Variants in CNTNAP5 observed in about 807,000 individuals in gnomAD.
The protein encoded by CNTNAP5 is contactin-associated protein-like 5.
In CNTNAP5, 72 loss-of-function variants were observed where a neutral mutation model predicts 150.2. The ratio of observed to expected loss-of-function variants is 0.48; its 90% CI spans 0.40 to 0.58. CNTNAP5 has a LOEUF of 0.58. Ranked by LOEUF, CNTNAP5 falls within the 20% of genes least tolerant of loss-of-function variation. CNTNAP5 has a pLI of 0.00. For missense variants in CNTNAP5, 1,636 were observed against 1,626.2 expected (o/e 1.01, Z -0.10); for synonymous variants, 672 against 619.8 (o/e 1.08, Z -1.25).
At chr2:124,605,585 G>T (rs185643077) in intron 11 of CNTNAP5, among the ~76,000 whole-genome samples, 47 of 152,146 alleles carry the variant, frequency 3.1e-4, no homozygotes, top group South Asian at 1.0e-3. Flanking sequence ...GGGAGGCTGA[G>T]GCAGGTGGAT....
At chr2:124,465,309 A>G (rs1693352374) in intron 6 of CNTNAP5, among the ~76,000 whole-genome samples, 2 of 152,160 alleles carry the variant, frequency 1.3e-5, no homozygotes, top group Non-Finnish European at 2.9e-5. Context: ...ATGTTGTCCA[A>G]GACATTGAGA....
intron 1 of CNTNAP5, among the ~76,000 whole-genome samples, chr2:124,127,529 T>A (rs1390632244): frequency 1.3e-5 from 2 of 152,152 alleles, no homozygotes; most frequent in African/African-American, 4.8e-5. Context: ...AAGCTACTAA[T>A]GAATTTCTTC....
At chr2:124,436,231 T>A (rs537595464) in intron 5 of CNTNAP5, among the ~76,000 whole-genome samples, 8 of 152,304 alleles carry the variant, frequency 5.3e-5, no homozygotes, top group African/African-American at 1.7e-4. Context: ...GTTACTACTA[T>A]TTAGATTCCC....
At chr2:124,649,779 A>T (rs1678281112) in intron 13 of CNTNAP5, among the ~76,000 whole-genome samples, 1 of 152,168 alleles carries the variant, frequency 6.6e-6, no homozygotes, top group Non-Finnish European at 1.5e-5. Flanking sequence ...TGATCTGAGG[A>T]TGGAAGAAAA....
chr2:124,181,229 A>G (rs1685201050), intron 1 of CNTNAP5, among the ~76,000 whole-genome samples: 1 of 152,128 alleles, frequency 6.6e-6, no homozygotes, highest in Non-Finnish European at 1.5e-5. Flanking sequence ...TAATTAGGAT[A>G]GTACTTTGCC....
chr2:124,734,306 C>T (rs1255737728), intron 13 of CNTNAP5, among the ~76,000 whole-genome samples: 1 of 151,912 alleles, frequency 6.6e-6, no homozygotes, highest in African/African-American at 2.4e-5. Flanking sequence ...ATCATCTTCC[C>T]ATGGAAACAA....
intron 13 of CNTNAP5, among the ~76,000 whole-genome samples, chr2:124,737,269 C>T (rs76228429): frequency 0.18 from 26,501 of 145,692 alleles, 2,490 homozygotes; most frequent in South Asian, 0.22. Flanking sequence ...CCAGCCTGGG[C>T]GACAGAGCGA....
intron 8 of CNTNAP5, among the ~76,000 whole-genome samples, chr2:124,506,818 A>G (rs1694416225): frequency 6.6e-6 from 1 of 152,184 alleles, no homozygotes; most frequent in Admixed American, 6.5e-5. Flanking sequence ...AGAGTCTCCC[A>G]TAAGGTCACA....
chr2:124,320,150 C>A (rs888596978), intron 3 of CNTNAP5, among the ~76,000 whole-genome samples: 1 of 152,166 alleles, frequency 6.6e-6, no homozygotes, highest in African/African-American at 2.4e-5. Flanking sequence ...CAGTTATATC[C>A]ATTTATGCTG....
rs139925850 is a variant in CNTNAP5, at chr2:124,798,891, A to G, written c.3217+571A>G. ...TGTGGCATTTGCTATTTTGAAACAGAAAGATTTGGGGCATTTTATTTGACA... is the reference window on the plus strand; with the variant it reads ...TGTGGCATTTGCTATTTTGAAACAGGAAGATTTGGGGCATTTTATTTGACA... On this transcript the variant is annotated intron_variant, in intron 19 of 23. Coordinates refer to ENST00000682447, the MANE Select transcript of CNTNAP5 (RefSeq NM_001367498.1). 2.0e-3 allele frequency among the ~76,000 whole-genome samples: 311 copies of G among 152,222 alleles called. 1 individual carries two copies. Among genetic ancestry groups the G allele is most frequent in the East Asian group, 0.017 (86 of 5,172 alleles).
intron 13 of CNTNAP5, among the ~76,000 whole-genome samples, chr2:124,716,587 T>C (rs1405586812): frequency 2.0e-5 from 3 of 149,934 alleles, no homozygotes; most frequent in Non-Finnish European, 4.5e-5. Context: ...GTAAACAATA[T>C]AAGGGCATTG....
At chr2:124,878,606 G>A (rs1274760452) in intron 21 of CNTNAP5, among the ~76,000 whole-genome samples, 1 of 152,086 alleles carries the variant, frequency 6.6e-6, no homozygotes, top group Non-Finnish European at 1.5e-5. Flanking sequence ...GAATGGATAA[G>A]GCAAGGTGTT....
At chr2:124,500,787 C>T (rs1272822565) in intron 7 of CNTNAP5, among the ~76,000 whole-genome samples, 2 of 152,074 alleles carry the variant, frequency 1.3e-5, no homozygotes, top group African/African-American at 4.8e-5. Context: ...CGAGAAGGGG[C>T]ATGTATGACA....
At chr2:124,740,980 C>T (rs1680486372) in intron 13 of CNTNAP5, among the ~76,000 whole-genome samples, 1 of 152,148 alleles carries the variant, frequency 6.6e-6, no homozygotes. Context: ...AGTAGCAAGG[C>T]CAAGCCTCAC....
chr2:124,025,512 G>A lies in CNTNAP5; in HGVS notation c.-139G>A, dbSNP rs1179106456. 6 of 685,382 alleles carry A rather than the reference G, an allele frequency of 8.8e-6. No individual in the cohort carries two copies. The highest frequency in any genetic ancestry group is 1.7e-5 in the South Asian group (1 of 59,568). The allele number at this position is 685,382 out of a possible 1,614,324, so 42.5% of individuals were successfully genotyped here. A position where few individuals can be genotyped will look rare whatever the true frequency, so the allele number is the denominator to read the frequency against. On this transcript the variant is annotated 5_prime_UTR_variant, in exon 1 of 24. The change abolishes an upstream ATG in the 5' untranslated region. Transcript: ENST00000682447. ...TCGGTGGAGCGTCTGGGCACGGGAT[G>A]GAGTGAAAGAGCGAGTGCCTCTCCA...
intron 19 of CNTNAP5, among the ~76,000 whole-genome samples, chr2:124,848,579 GT>G (rs1388633884): frequency 6.6e-6 from 1 of 152,100 alleles, no homozygotes; most frequent in Non-Finnish European, 1.5e-5. Context: ...TCTTCAAACT[GT>G]TTTCCATAAG....
intron 22 of CNTNAP5, among the ~76,000 whole-genome samples, chr2:124,904,530 A>C (rs899466576): frequency 1.3e-5 from 2 of 152,160 alleles, no homozygotes; most frequent in Non-Finnish European, 2.9e-5. Context: ...TAAAACAGAC[A>C]CATAGACTAA....
chr2:124,417,719 T>G, intron 4 of CNTNAP5, 129 bp downstream of exon 4: 1 of 885,066 alleles, frequency 1.1e-6, no homozygotes, highest in South Asian at 1.8e-5. Context: ...CATATGCATA[T>G]TTAAAAATGT....
intron 6 of CNTNAP5, among the ~76,000 whole-genome samples, chr2:124,449,300 A>G (rs1472134614): frequency 6.6e-6 from 1 of 152,222 alleles, no homozygotes; most frequent in Admixed American, 6.5e-5. Context: ...GAAAGAACAC[A>G]CTCAATATTG....
Sources: gnomAD v4.1 joint callset for allele counts (sites outside exome capture counted in the v4.1 genomes callset) on GRCh38, gnomAD v4.1.1 for gene constraint, MANE v1.5 for transcripts, NCBI Gene and HGNC (gene_info 2026-07-23, HGNC 2026-07-21) for gene names.